TRPM5: variants seen among roughly 807,000 people sequenced by gnomAD.
TRPM5 encodes the protein MLSN1 and TRP-related.
A neutral mutation model predicts 124.9 loss-of-function variants in TRPM5; 121 were observed. That is an observed-to-expected ratio of 0.97 (90% confidence interval 0.84 to 1.13). The LOEUF is 1.13. Ranked by LOEUF, TRPM5 falls within the 50% of genes most tolerant of loss-of-function variation. The probability of loss-of-function intolerance (pLI) is 0.00; values close to 1 mark genes in which losing one functional copy is unlikely to be tolerated. For missense variants in TRPM5, 1,643 were observed against 1,589.1 expected, an observed-to-expected ratio of 1.03 and a Z score of -0.58; for synonymous variants, 781 against 700.5, an observed-to-expected ratio of 1.11 and a Z score of -1.81.
Position 2,412,964 on chromosome 11 carries a change from T to C in TRPM5, c.2145A>G (p.Pro715=), listed in dbSNP as rs766754162. 3 of 1,606,172 alleles carry C rather than the reference T, an allele frequency of 1.9e-6. No homozygotes were observed. In the East Asian group the frequency reaches 6.7e-5, roughly 36 times the overall value. Residue 715 remains proline (P), a synonymous_variant, in exon 15 of 24, where the codon CCA becomes CCG. Transcript: ENST00000155858. ...AGCGTGTGAGCAGGAAGACAGCACG[T>C]GGGCCTCGGTCACCCTGAGCCCTCG...
exon 15 of TRPM5, chr11:2,412,969 C>T (rs1476727171): frequency 6.2e-7 from 1 of 1,606,048 alleles, no homozygotes; most frequent in Non-Finnish European, 8.5e-7. Flanking sequence ...GCACGTGGGC[C>T]TCGGTCACCC....
chr11:2,424,331 G>A (rs1184031450), upstream of TRPM5, among the ~76,000 whole-genome samples: 5 of 152,348 alleles, frequency 3.3e-5, no homozygotes, highest in South Asian at 2.1e-4. Context: ...CCTGGGGCTG[G>A]CTTTGGGGCA....
exon 12 of TRPM5, chr11:2,414,196 G>T: frequency 6.2e-7 from 1 of 1,609,110 alleles, no homozygotes; most frequent in African/African-American, 1.3e-5. Context: ...TGTAGCACTC[G>T]GAGAAGAGGT....
At chr11:2,405,924 T>G (rs1175130952) in intron 22 of TRPM5, 95 bp downstream of exon 27, 2 of 1,184,050 alleles carry the variant, frequency 1.7e-6, no homozygotes, top group East Asian at 4.8e-5. Context: ...CTGCCTCATC[T>G]CTGTGAGTGA....
chr11:2,406,144 G>A (rs747438334), intron 21 of TRPM5, 53 bp from the exon 27 acceptor site: 2 of 1,591,112 alleles, frequency 1.3e-6, no homozygotes, highest in Non-Finnish European at 1.7e-6. Flanking sequence ...TGCTCTGCGT[G>A]TGGGGAGCCT....
Position 2,413,340 on chromosome 11 carries a change from G to C in TRPM5, c.2004-114C>G, listed in dbSNP as rs115684919. On this transcript the variant is annotated intron_variant, in intron 13 of 23. Coordinates refer to ENST00000155858, the Ensembl canonical transcript of TRPM5. ...TGGGATGCAGGGGCTGTGGGGAGTG[G>C]GACCCGCAGGGAGGCTGGACTTGGG... The C allele has an allele frequency of 4.1e-3, 5,386 of 1,300,290 alleles. 124 individuals carry two copies. In the African/African-American group the frequency reaches 0.061, roughly 15 times the overall value. 80.5% of individuals were successfully genotyped at this position (1,300,290 alleles called of 1,614,324 possible).
the TRPM5 span, among the ~76,000 whole-genome samples, chr11:2,434,673 T>G: frequency 6.6e-6 from 1 of 151,638 alleles, no homozygotes; most frequent in Non-Finnish European, 1.5e-5. Context: ...TGTGAGTGCA[T>G]GTATGTGTAG....
chr11:2,418,084 G>T, intron 6 of TRPM5, 83 bp downstream of exon 11: 1 of 1,298,164 alleles, frequency 7.7e-7, no homozygotes, highest in Non-Finnish European at 1.1e-6. Context: ...TGGGCTGGAG[G>T]CTGCATTGCA....
chr11:2,412,709 T>G (rs758722306), intron 15 of TRPM5, 45 bp downstream of exon 20: 3 of 1,524,616 alleles, frequency 2.0e-6, no homozygotes, highest in Non-Finnish European at 2.6e-6. Context: ...TTGCCCAACC[T>G]GAAGCTGCAG....
chr11:2,404,566 G>A (rs572728139), exon 24 of TRPM5: 4 of 216,148 alleles, frequency 1.9e-5, no homozygotes, highest in East Asian at 2.0e-4. Flanking sequence ...GGGCAGGGGT[G>A]GGTGCAGACC....
chr11:2,423,111 G>C, upstream of TRPM5: 1 of 1,262,120 alleles, frequency 7.9e-7, no homozygotes, highest in Non-Finnish European at 1.1e-6. Context: ...CCTCCCCTCA[G>C]GGGGCTGGCT....
chr11:2,414,326 C>A (rs1330157621), intron 11 of TRPM5, 120 bp from the exon 17 acceptor site: 1 of 1,396,408 alleles, frequency 7.2e-7, no homozygotes, highest in Non-Finnish European at 9.5e-7. Flanking sequence ...GTTCAACACG[C>A]AGGGCCCAGC....
chr11:2,407,856 G>A, exon 19 of TRPM5: 2 of 1,614,014 alleles, frequency 1.2e-6, no homozygotes, highest in Non-Finnish European at 1.7e-6. Flanking sequence ...TAGAGGCTGG[G>A]GCAGGATGGT....
At chr11:2,414,009 G>GGGCGGC in intron 12 of TRPM5, 52 bp downstream of exon 17, 1 of 1,023,734 alleles carries the variant, frequency 9.8e-7, no homozygotes, top group Non-Finnish European at 1.4e-6. Context: ...GGCCCAGCTC[G>GGGCGGC]CCCGCCCACC....
the TRPM5 span, among the ~76,000 whole-genome samples, chr11:2,444,048 C>A: frequency 1.3e-5 from 2 of 152,186 alleles, no homozygotes; most frequent in Admixed American, 1.3e-4. Context: ...CCAGGCAGCC[C>A]CGCCTGCTAT....
At chr11:2,428,616 G>A in the TRPM5 span, among the ~76,000 whole-genome samples, 1 of 151,738 alleles carries the variant, frequency 6.6e-6, no homozygotes, top group Non-Finnish European at 1.5e-5. This position sits in a 1 kb window ranked among gnomAD's most constrained non-coding sequence, Gnocchi z 4.0. Context: ...GGGTGGTGAT[G>A]GCATTACCGT....
chr11:2,410,863 C>T (rs936637259), intron 18 of TRPM5, among the ~76,000 whole-genome samples: 2 of 152,070 alleles, frequency 1.3e-5, no homozygotes, highest in African/African-American at 4.8e-5. Flanking sequence ...GGCGTAGGGG[C>T]TCTGGTGGGT....
chr11:2,433,789 C>T, the TRPM5 span, among the ~76,000 whole-genome samples: 1 of 152,136 alleles, frequency 6.6e-6, no homozygotes, highest in African/African-American at 2.4e-5. Flanking sequence ...TGTGTGCATG[C>T]ATATGTGTGG....
the TRPM5 span, among the ~76,000 whole-genome samples, chr11:2,438,658 C>A: frequency 2.0e-5 from 3 of 152,098 alleles, no homozygotes; most frequent in Admixed American, 6.6e-5. The surrounding 1 kb of genome is among the most constrained non-coding windows in gnomAD (Gnocchi z 5.9). Flanking sequence ...CAGAGTGAGA[C>A]CCTGTCTTAA....
Sources: allele counts gnomAD v4.1 joint callset (sites outside exome capture counted in the v4.1 genomes callset), GRCh38; gene constraint gnomAD v4.1.1; non-coding constraint Gnocchi (gnomAD v3.1); transcripts MANE v1.5; gene names NCBI Gene and HGNC (gene_info 2026-07-23, HGNC 2026-07-21).